The following RBM20 variants were observed in gnomAD, a reference collection of about 807,000 sequenced individuals.
RBM20 encodes RNA-binding protein 20.
Under a neutral mutation model 110.1 loss-of-function variants are expected in RBM20, and 51 were observed. The observed-to-expected ratio is 0.46, with a 90% CI of 0.37 to 0.59. RBM20 has a LOEUF of 0.59. Among genes scored for constraint, RBM20 ranks in the 20% least tolerant of loss-of-function variants. RBM20 has a pLI of 0.00. For missense variants in RBM20, 1,512 were observed against 1,574.9 expected, an observed-to-expected ratio of 0.96 and a Z score of 0.68; for synonymous variants, 589 against 618.2, an observed-to-expected ratio of 0.95 and a Z score of 0.70.
intron 5 of RBM20, among the ~76,000 whole-genome samples, chr10:110,791,111 C>T (rs1335232806): frequency 6.6e-6 from 1 of 152,206 alleles, no homozygotes; most frequent in Non-Finnish European, 1.5e-5. Flanking sequence ...ACTGTGTCTA[C>T]CCTCCAAGTT....
chr10:110,652,583 G>T (rs1462059190), intron 1 of RBM20, among the ~76,000 whole-genome samples: 37 of 152,270 alleles, frequency 2.4e-4, no homozygotes, highest in Non-Finnish European at 1.5e-5. Context: ...CTGCCCTTTA[G>T]CATCTTACAT....
intron 1 of RBM20, among the ~76,000 whole-genome samples, chr10:110,648,383 T>C (rs1045552676): frequency 6.6e-6 from 1 of 152,208 alleles, no homozygotes; most frequent in South Asian, 2.1e-4. Context: ...GTGTAACTGT[T>C]AGGGAGTCAT....
At chr10:110,698,630 G>T (rs1360220184) in intron 1 of RBM20, among the ~76,000 whole-genome samples, 1 of 152,196 alleles carries the variant, frequency 6.6e-6, no homozygotes, top group African/African-American at 2.4e-5. Context: ...AGACAGCGTG[G>T]AACTGGATAC....
In RBM20 at chr10:110,784,468, G is replaced by T. The variant is rs1407602694; in HGVS notation, c.1429+36G>T. ...CCCTACAGGTCAGCAGCTTGAAGCA[G>T]AAGTGGGCTACCCACAGGCACATTA... On this transcript the variant is annotated intron_variant, in intron 4 of 13. Transcript: ENST00000369519. The T allele has an allele frequency of 6.2e-6, 9 of 1,459,538 alleles. No individual in the cohort carries two copies. The Admixed American group carries it at 1.8e-4, about 29-fold the overall frequency. 90.4% of individuals were successfully genotyped at this position (1,459,538 alleles called of 1,614,324 possible). A position where few individuals can be genotyped will look rare whatever the true frequency, so the allele number is the denominator to read the frequency against.
chr10:110,694,884 A>G (rs1862638291), intron 1 of RBM20, among the ~76,000 whole-genome samples: 1 of 152,092 alleles, frequency 6.6e-6, no homozygotes, highest in African/African-American at 2.4e-5. Context: ...ATTTTGCCCA[A>G]ATTTAGGAAA....
chr10:110,644,613 GC>G lies in RBM20; in HGVS notation c.163del (p.Gln55LysfsTer49). 1 of 810,948 alleles carries G rather than the reference GC, an allele frequency of 1.2e-6. No homozygotes were observed. The highest frequency in any genetic ancestry group is 1.8e-6 in the Non-Finnish European group (1 of 550,720). The allele number at this position is 810,948 out of a possible 1,614,324, so 50.2% of individuals were successfully genotyped here. On this transcript the variant is annotated frameshift_variant, in exon 1 of 14. Transcript: ENST00000369519. LOFTEE classifies it high-confidence loss of function. This position sits in a 1 kb window ranked among gnomAD's most constrained non-coding sequence, Gnocchi z 4.3. ...PPPPPQPPPP[P>X]QAGLPQIIQN... is the part of the protein sequence containing the mutation. ...CGCCGCCGCCCCAGCCACCGCCCCC[GC>G]CCCAAGCCGGCCTACCCCAGATCAT...
chr10:110,755,697 C>T (rs1843912135), intron 1 of RBM20, among the ~76,000 whole-genome samples: 1 of 152,182 alleles, frequency 6.6e-6, no homozygotes, highest in Non-Finnish European at 1.5e-5. Flanking sequence ...GGTGTCCCAT[C>T]TTGGGGGAAA....
chr10:110,718,234 C>T (rs1342193424), intron 1 of RBM20, among the ~76,000 whole-genome samples: 1 of 152,210 alleles, frequency 6.6e-6, no homozygotes, highest in Non-Finnish European at 1.5e-5. Flanking sequence ...AGTTTGAATA[C>T]AAATACCTTT....
intron 9 of RBM20, among the ~76,000 whole-genome samples, chr10:110,816,397 A>G (rs983172145): frequency 6.0e-5 from 7 of 116,760 alleles, no homozygotes; most frequent in East Asian, 5.3e-4. Context: ...CAACACCCCA[A>G]CCCACTCTTC....
At chr10:110,715,206 C>G (rs1425436909) in intron 1 of RBM20, among the ~76,000 whole-genome samples, 1 of 152,188 alleles carries the variant, frequency 6.6e-6, no homozygotes. Context: ...CAAGATCGCA[C>G]CACTGCACTC....
intron 5 of RBM20, among the ~76,000 whole-genome samples, chr10:110,796,033 G>A (rs556059637): frequency 1.3e-5 from 2 of 152,246 alleles, no homozygotes; most frequent in Middle Eastern, 3.4e-3. Context: ...AAAATATTTC[G>A]AAAACCACTG....
rs557942559 is a variant in RBM20, at chr10:110,689,648, G to C, written c.191+45003G>C. Among the ~76,000 whole-genome samples, 45 of 104,376 alleles carry C rather than the reference G, an allele frequency of 4.3e-4. 1 individual carries two copies. The highest frequency in any genetic ancestry group is 1.0e-3 in the African/African-American group (33 of 32,786). The allele number at this position is 104,376 out of a possible 152,430, so 68.5% of individuals were successfully genotyped here. On this transcript the variant is annotated intron_variant, in intron 1 of 13. Transcript: ENST00000369519. Reference sequence around the variant, plus strand: ...GGGTCTTTAAAAATCTAGGGAGTTTGTTTGTTGGGAAATTCCGTGGAAAGC... The same window carrying C: ...GGGTCTTTAAAAATCTAGGGAGTTTCTTTGTTGGGAAATTCCGTGGAAAGC...
chr10:110,709,080 C>T (rs991019126), intron 1 of RBM20, among the ~76,000 whole-genome samples: 2 of 152,170 alleles, frequency 1.3e-5, no homozygotes, highest in African/African-American at 4.8e-5. Context: ...CCCTCAATAG[C>T]AGGTCAGACG....
At chr10:110,786,151 T>C (rs7100718) in intron 5 of RBM20, among the ~76,000 whole-genome samples, 148,505 of 152,320 alleles carry the variant, frequency 0.97, 72,486 homozygotes, top group East Asian at 1. Context: ...CTTCTTCTCC[T>C]CTGGGCAGGA....
In RBM20 at chr10:110,718,753, A is replaced by G; in HGVS notation, c.192-62048A>G. ...CAGCTTCCCAAGTAGCTGGGATTACAGGCACCCGCCACAATGCCCGGCTAA... is the reference window on the plus strand; with the variant it reads ...CAGCTTCCCAAGTAGCTGGGATTACGGGCACCCGCCACAATGCCCGGCTAA... On this transcript the variant is annotated intron_variant, in intron 1 of 13. Transcript: ENST00000369519. 1.3e-5 allele frequency among the ~76,000 whole-genome samples: 2 copies of G among 150,908 alleles called. 1 individual carries two copies. Among genetic ancestry groups the G allele is most frequent in the Non-Finnish European group, 3.0e-5 (2 of 67,694 alleles).
intron 1 of RBM20, among the ~76,000 whole-genome samples, chr10:110,679,851 A>G (rs10749043): frequency 0.86 from 130,671 of 152,204 alleles, 59,661 homozygotes; most frequent in East Asian, 1. Flanking sequence ...AGGCAGACAG[A>G]CCCAGCACAC....
At chr10:110,672,906 AT>A (rs1339537629) in intron 1 of RBM20, among the ~76,000 whole-genome samples, 6 of 152,070 alleles carry the variant, frequency 3.9e-5, no homozygotes, top group Non-Finnish European at 7.4e-5. Context: ...CGTTAGATTT[AT>A]TTTTTCTAGT....
chr10:110,718,772 C>T (rs928311882), intron 1 of RBM20, among the ~76,000 whole-genome samples: 2 of 151,750 alleles, frequency 1.3e-5, no homozygotes, highest in South Asian at 4.2e-4. Flanking sequence ...CCACAATGCC[C>T]GGCTAATTTT....
At chr10:110,751,497 A>T (rs1395314537) in intron 1 of RBM20, among the ~76,000 whole-genome samples, 1 of 151,418 alleles carries the variant, frequency 6.6e-6, no homozygotes, top group Non-Finnish European at 1.5e-5. Flanking sequence ...AAATGACCCC[A>T]GTCCTTGCCT....
Sources: allele counts gnomAD v4.1 joint callset (sites outside exome capture counted in the v4.1 genomes callset), GRCh38; gene constraint gnomAD v4.1.1; non-coding constraint Gnocchi (gnomAD v3.1); transcripts MANE v1.5; gene names NCBI Gene and HGNC (gene_info 2026-07-23, HGNC 2026-07-21).